The following GALK2 variants were observed in gnomAD, a reference collection of about 807,000 sequenced individuals.
The protein encoded by GALK2 is galactokinase 2.
A neutral mutation model predicts 52.4 loss-of-function variants in GALK2; 36 were observed. The ratio of observed to expected loss-of-function variants is 0.69; its 90% CI spans 0.53 to 0.91. The LOEUF is 0.91. GALK2 is among the 40% of genes least tolerant of loss of function. The pLI is 0.00. For synonymous variants in GALK2, 176 were observed against 199.1 expected (o/e 0.88, Z 0.98); for missense variants, 579 against 559.1 (o/e 1.04, Z -0.36).
chr15:49,336,012 A>G (rs1456562026), downstream of GALK2, among the ~76,000 whole-genome samples: 2 of 152,178 alleles, frequency 1.3e-5, no homozygotes, highest in East Asian at 3.9e-4. Flanking sequence ...TCTTGCCCAG[A>G]CTGGTCTTGA....
At chr15:49,192,208 A>G (rs1157234863) in intron 1 of GALK2, among the ~76,000 whole-genome samples, 1 of 152,006 alleles carries the variant, frequency 6.6e-6, no homozygotes, top group African/African-American at 2.4e-5. Flanking sequence ...TTTTGAAATA[A>G]AGATCTGGGC....
chr15:49,294,735 T>C (rs1045144287), intron 8 of GALK2, among the ~76,000 whole-genome samples: 5 of 152,300 alleles, frequency 3.3e-5, no homozygotes, highest in Admixed American at 3.3e-4. Context: ...CAATAAATAA[T>C]ACCTGCTATA....
At chr15:49,211,346 C>T (rs1393638292) in intron 2 of GALK2, among the ~76,000 whole-genome samples, 1 of 152,144 alleles carries the variant, frequency 6.6e-6, no homozygotes, top group East Asian at 1.9e-4. Context: ...CTTCATTGTT[C>T]ATATTATTAT....
chr15:49,200,772 A>G (rs964509247), intron 1 of GALK2, among the ~76,000 whole-genome samples: 13 of 152,196 alleles, frequency 8.5e-5, no homozygotes, highest in Non-Finnish European at 1.9e-4. Context: ...GCCTTAGGAA[A>G]CCAAATATAC....
chr15:49,267,473 T>TG (rs1345330617), intron 5 of GALK2, among the ~76,000 whole-genome samples: 1 of 152,146 alleles, frequency 6.6e-6, no homozygotes, highest in Non-Finnish European at 1.5e-5. Context: ...AAAGAATCGT[T>TG]GTCAAGGTCT....
chr15:49,157,980 A>G lies in GALK2; in HGVS notation c.20+1964A>G, dbSNP rs182923691. On this transcript the variant is annotated intron_variant, in intron 1 of 9. Coordinates refer to the GALK2 transcript ENST00000327171. ...GATAAGTGAAATAGTAAAGGACTAC[A>G]AAAGACCAAGGGAATAATGAATTTT... Among the ~76,000 whole-genome samples, 4 of 152,208 alleles carry G rather than the reference A, an allele frequency of 2.6e-5. No homozygotes were observed. In the East Asian group the frequency reaches 7.7e-4, roughly 29 times the overall value.
At chr15:49,316,299 C>T (rs950947238) in intron 8 of GALK2, among the ~76,000 whole-genome samples, 11 of 151,218 alleles carry the variant, frequency 7.3e-5, no homozygotes, top group East Asian at 3.9e-4. Context: ...TGGTTATCTA[C>T]GAAAGTAAGA....
intron 3 of GALK2, among the ~76,000 whole-genome samples, chr15:49,226,350 ACCCC>A (rs1355274331): frequency 1.7e-4 from 26 of 152,132 alleles, no homozygotes; most frequent in Non-Finnish European, 3.2e-4. Flanking sequence ...GCATTCAGCA[ACCCC>A]ACACAAGGTT....
At chr15:49,264,910 T>A (rs142864549) in intron 5 of GALK2, among the ~76,000 whole-genome samples, 1,535 of 152,336 alleles carry the variant, frequency 0.01, 23 homozygotes, top group African/African-American at 0.035. Flanking sequence ...CCGCGAATGC[T>A]GCTGTCTGAT....
chr15:49,172,155 T>A (rs2085146355), intron 1 of GALK2, among the ~76,000 whole-genome samples: 1 of 152,212 alleles, frequency 6.6e-6, no homozygotes, highest in African/African-American at 2.4e-5. Flanking sequence ...ATAATAAAGA[T>A]CAACATTTCT....
chr15:49,328,130 G>GGT lies in GALK2; in HGVS notation c.1350_1351dup (p.Gly451ValfsTer13), dbSNP rs750345601. 8.1e-6 allele frequency: 13 copies of GGT among 1,614,070 alleles called. 1 individual carries two copies. The Middle Eastern group carries it at 5.0e-4, about 62-fold the overall frequency. On this transcript the variant is annotated frameshift_variant, in exon 10 of 10. Coordinates refer to ENST00000560031, the MANE Select transcript of GALK2 (RefSeq NM_002044.4). LOFTEE classifies it high-confidence loss of function. Reference sequence around the variant, plus strand: ...AAGTTTGTTTGCTACCAAACCTGGAGGTGGGGCTTTGGTTTTGCTTGAGGC... The same window carrying GGT: ...AAGTTTGTTTGCTACCAAACCTGGAGGTGTGGGGCTTTGGTTTTGCTTGAGGC...
intron 2 of GALK2, among the ~76,000 whole-genome samples, chr15:49,203,883 G>GGA (rs1279417219): frequency 6.6e-6 from 1 of 152,182 alleles, no homozygotes. Context: ...AGGAAGCCGA[G>GGA]GAGGGTGGAT....
At chr15:49,222,669 A>G (rs1240571214) in intron 3 of GALK2, among the ~76,000 whole-genome samples, 5 of 152,152 alleles carry the variant, frequency 3.3e-5, no homozygotes, top group Non-Finnish European at 7.4e-5. Flanking sequence ...TCTGTCCTTT[A>G]TTCTACTGAT....
rs1442985639 is a variant in GALK2, at chr15:49,330,232, T to TG, written c.*2073_*2074insG. ...AGGAGGCTCAGTGAGAGTGAAGGCT[T>TG]TGCTTTGGTATGTAGTGAAGAATAA... On this transcript the variant is annotated 3_prime_UTR_variant, in exon 10 of 10. Transcript: ENST00000560031. 1 of 152,178 alleles carries TG rather than the reference T, an allele frequency of 6.6e-6. No individual in the cohort carries two copies. The highest frequency in any genetic ancestry group is 6.5e-5 in the Admixed American group (1 of 15,274). The allele number at this position is 152,178 out of a possible 1,614,324, so 9.4% of individuals were successfully genotyped here.
chr15:49,262,412 A>G (rs1317199391), intron 5 of GALK2, among the ~76,000 whole-genome samples: 1 of 151,848 alleles, frequency 6.6e-6, no homozygotes, highest in Non-Finnish European at 1.5e-5. Flanking sequence ...ATCGGTGGTG[A>G]TATCCCCTTT....
chr15:49,162,865 G>T (rs956348217), intron 1 of GALK2, among the ~76,000 whole-genome samples: 13 of 152,194 alleles, frequency 8.5e-5, no homozygotes, highest in African/African-American at 2.9e-4. Context: ...TCCTTCCCCA[G>T]TTGAGCCTCA....
At chr15:49,268,650 G>A (rs1265412668) in intron 5 of GALK2, among the ~76,000 whole-genome samples, 7 of 152,044 alleles carry the variant, frequency 4.6e-5, no homozygotes, top group African/African-American at 1.4e-4. Flanking sequence ...AGCCAGCCAG[G>A]GTTCTATCCT....
chr15:49,170,517 G>A lies in GALK2; in HGVS notation c.53+142G>A, dbSNP rs2085001108. ...AACCCTTGGGATTCTATAAGGACAC[G>A]TGGCTGGGCTTGCAAAAAAGATCAC... is the stretch of plus-strand genomic sequence containing the variant. On this transcript the variant is annotated intron_variant, in intron 1 of 9. Transcript: ENST00000560031. 1.2e-5 allele frequency: 9 copies of A among 743,934 alleles called. No individual in the cohort carries two copies. The South Asian group carries it at 1.6e-4, about 13-fold the overall frequency. The allele number at this position is 743,934 out of a possible 1,614,324, so 46.1% of individuals were successfully genotyped here. A position where few individuals can be genotyped will look rare whatever the true frequency, so the allele number is the denominator to read the frequency against.
At chr15:49,168,155 T>C (rs1478568730), upstream of GALK2, among the ~76,000 whole-genome samples, 1 of 152,222 alleles carries the variant, frequency 6.6e-6, no homozygotes, top group African/African-American at 2.4e-5. Flanking sequence ...AGGTGCTTTC[T>C]AGTCTGCATC....
Sources: allele counts gnomAD v4.1 joint callset (sites outside exome capture counted in the v4.1 genomes callset), GRCh38; gene constraint gnomAD v4.1.1; transcripts MANE v1.5; gene names NCBI Gene and HGNC (gene_info 2026-07-23, HGNC 2026-07-21).